The following FBXO28 variants were observed in gnomAD, a reference collection of about 807,000 sequenced individuals.
FBXO28 encodes F-box only protein 28.
FBXO28 carries 8 observed loss-of-function variants against 38.1 expected under a neutral mutation model. The observed-to-expected ratio is 0.21, with a 90% confidence interval of 0.12 to 0.38. FBXO28 has a LOEUF of 0.38. Among genes scored for constraint, FBXO28 ranks in the 10% least tolerant of loss-of-function variants. FBXO28 has a pLI of 1.00. For synonymous variants in FBXO28, 168 were observed against 173.8 expected, an observed-to-expected ratio of 0.97 and a Z score of 0.26; for missense variants, 345 against 460.6, an observed-to-expected ratio of 0.75 and a Z score of 2.30.
At chr1:224,131,256 T>A (rs1304122722) in intron 2 of FBXO28, among the ~76,000 whole-genome samples, 1 of 152,176 alleles carries the variant, frequency 6.6e-6, no homozygotes, top group African/African-American at 2.4e-5. Flanking sequence ...TCTTGACTTT[T>A]TTTTTTGTAA....
At position 224,114,336 on chromosome 1, in the gene FBXO28, C is replaced by T. The variant is rs749762791; in HGVS notation, c.207C>T (p.Ile69=). The T allele has an allele frequency of 4.4e-6, 7 of 1,593,086 alleles. No individual in the cohort carries two copies. The highest frequency in any genetic ancestry group is 2.3e-5 in the East Asian group (1 of 43,990). The change falls in exon 1 of 5, where the codon ATC becomes ATT. Residue 69 remains isoleucine, a synonymous_variant. Transcript: ENST00000366862. ...PQNNTLVALP[I]VAIENILSFM... ...ACAACACGCTTGTGGCGCTGCCCAT[C>T]GTAGCCATCGAGAACATCCTCAGCT...
chr1:224,148,426 G>A lies in FBXO28; in HGVS notation c.517-4716G>A, dbSNP rs145758928. On this transcript the variant is annotated intron_variant, in intron 3 of 4. Coordinates refer to ENST00000366862, the MANE Select transcript of FBXO28 (RefSeq NM_015176.4). ...AGCTCTTTGGGAGGCCGAGGCAGGC[G>A]GATCATGAGGTCAGGAGATCAAGAC... 3.9e-5 allele frequency among the ~76,000 whole-genome samples: 6 copies of A among 152,202 alleles called. No homozygotes were observed. In the South Asian group the frequency reaches 6.2e-4, roughly 16 times the overall value.
intron 3 of FBXO28, among the ~76,000 whole-genome samples, chr1:224,149,790 A>G (rs997308360): frequency 3.3e-5 from 5 of 152,214 alleles, no homozygotes; most frequent in African/African-American, 1.2e-4. Flanking sequence ...AGATGTTAAC[A>G]TGATTTAAAT....
At chr1:224,143,013 G>A (rs577261053) in intron 3 of FBXO28, among the ~76,000 whole-genome samples, 1 of 151,654 alleles carries the variant, frequency 6.6e-6, no homozygotes, top group Non-Finnish European at 1.5e-5. Context: ...AAATAAATAA[G>A]TAAGTAAGTA....
At chr1:224,117,961 C>T (rs995812545) in intron 1 of FBXO28, among the ~76,000 whole-genome samples, 1 of 151,960 alleles carries the variant, frequency 6.6e-6, no homozygotes, top group African/African-American at 2.4e-5. Context: ...TTCTTACCTA[C>T]TGAAAAACAA....
chr1:224,142,394 T>C (rs937105829), intron 3 of FBXO28, among the ~76,000 whole-genome samples: 8 of 152,040 alleles, frequency 5.3e-5, no homozygotes, highest in Non-Finnish European at 1.2e-4. Flanking sequence ...CTCATGCCTG[T>C]AATCAATCCC....
Position 224,117,165 on chromosome 1 carries a change from A to ATTTTTTTTTTT in FBXO28, c.267+2778_267+2788dup, listed in dbSNP as rs71168310. On this transcript the variant is annotated intron_variant, in intron 1 of 4. Transcript: ENST00000366862. ...AAAAATAAAAATAAAAATAAATTGG[A>ATTTTTTTTTTT]TTTTTTTTTTTTTTTTTTTGAGACG... is the stretch of plus-strand genomic sequence containing the variant. 1.7e-4 allele frequency among the ~76,000 whole-genome samples: 21 copies of ATTTTTTTTTTT among 122,186 alleles called. 1 individual carries two copies. Among genetic ancestry groups the ATTTTTTTTTTT allele is most frequent in the African/African-American group, 5.9e-4 (18 of 30,760 alleles). The allele number at this position is 122,186 out of a possible 152,430, so 80.2% of individuals were successfully genotyped here.
chr1:224,132,497 C>A (rs111229658), intron 2 of FBXO28, among the ~76,000 whole-genome samples: 2,697 of 152,198 alleles, frequency 0.018, 82 homozygotes, highest in African/African-American at 0.059. Flanking sequence ...GGTGCAGTCA[C>A]TTTAGAAAAC....
At position 224,161,463 on chromosome 1, in the gene FBXO28, CTGTT is replaced by C. The variant is rs767178543; in HGVS notation, c.*3720_*3723del. The stretch of plus-strand genomic sequence containing the variant: ...CTGATATGAAACCCAACTTGATACA[CTGTT>C]TGGTTCTTTGACTTGGGATCTATCT... On this transcript the variant is annotated 3_prime_UTR_variant, in exon 5 of 5. Coordinates refer to ENST00000366862, the MANE Select transcript of FBXO28 (RefSeq NM_015176.4). 1.3e-5 allele frequency: 2 copies of C among 152,182 alleles called. No individual in the cohort carries two copies. Among genetic ancestry groups the C allele is most frequent in the African/African-American group, 2.4e-5 (1 of 41,438 alleles). 9.4% of individuals were successfully genotyped at this position (152,182 alleles called of 1,614,324 possible). A position where few individuals can be genotyped will look rare whatever the true frequency, so the allele number is the denominator to read the frequency against.
In FBXO28 at chr1:224,117,468, T is replaced by C. The variant is rs1274720341; in HGVS notation, c.267+3072T>C. 2.0e-5 allele frequency among the ~76,000 whole-genome samples: 3 copies of C among 152,090 alleles called. 1 individual carries two copies. ...TTATTTTATTTTATTTTTTGGCCAT[T>C]GACTATTGATCAAAAGATGTATCCT... On this transcript the variant is annotated intron_variant, in intron 1 of 4. Transcript: ENST00000366862.
intron 3 of FBXO28, among the ~76,000 whole-genome samples, chr1:224,140,601 T>C (rs1052067094): frequency 2.0e-5 from 3 of 152,136 alleles, no homozygotes; most frequent in African/African-American, 7.2e-5. Context: ...AAAATAAATA[T>C]ATACAGCCAT....
At chr1:224,127,124 T>C (rs1434779448) in intron 1 of FBXO28, among the ~76,000 whole-genome samples, 1 of 151,418 alleles carries the variant, frequency 6.6e-6, no homozygotes, top group Non-Finnish European at 1.5e-5. Context: ...CCAGAGAGGT[T>C]TCCAGGATCC....
chr1:224,138,938 T>G (rs910278073), intron 3 of FBXO28, among the ~76,000 whole-genome samples: 1 of 151,548 alleles, frequency 6.6e-6, no homozygotes, highest in African/African-American at 2.4e-5. Flanking sequence ...CATGCCACCA[T>G]GCCCAGCTAA....
intron 1 of FBXO28, 50 bp from the exon 2 acceptor site, chr1:224,130,422 T>G: frequency 8.3e-7 from 1 of 1,211,252 alleles, no homozygotes; most frequent in Non-Finnish European, 1.2e-6. Context: ...GAGTCTCAGT[T>G]GTCTCTTATT....
Position 224,155,461 on chromosome 1 carries a change from G to A in FBXO28, c.713-1891G>A, listed in dbSNP as rs901907268. Among the ~76,000 whole-genome samples the A allele has an allele frequency of 5.3e-5, 8 of 152,112 alleles. No individual in the cohort carries two copies. The East Asian group carries it at 5.8e-4, about 11-fold the overall frequency. ...ATTACAGGCATGAGCCACCACACCCGGCTGCTACTTTAAAAGAAAGGGTTC... is the reference window on the plus strand; with the variant it reads ...ATTACAGGCATGAGCCACCACACCCAGCTGCTACTTTAAAAGAAAGGGTTC... On this transcript the variant is annotated intron_variant, in intron 4 of 4. Coordinates refer to ENST00000366862, the MANE Select transcript of FBXO28 (RefSeq NM_015176.4).
At chr1:224,140,214 C>T (rs1433455456) in intron 3 of FBXO28, among the ~76,000 whole-genome samples, 1 of 152,172 alleles carries the variant, frequency 6.6e-6, no homozygotes, top group African/African-American at 2.4e-5. Context: ...CTTACTTAAC[C>T]ACAGTACAGA....
chr1:224,120,804 A>C (rs1656753999), intron 1 of FBXO28, among the ~76,000 whole-genome samples: 1 of 151,588 alleles, frequency 6.6e-6, no homozygotes, highest in South Asian at 2.1e-4. Flanking sequence ...CAAAGGTTGC[A>C]GTGAGCCGAG....
intron 1 of FBXO28, 93 bp from the exon 2 acceptor site, chr1:224,130,379 G>C: frequency 1.3e-6 from 1 of 780,428 alleles, no homozygotes; most frequent in Non-Finnish European, 2.2e-6. Flanking sequence ...AGGAATAATA[G>C]TGGGATACAG....
At chr1:224,114,545 C>T (rs1247882604) in intron 1 of FBXO28, 149 bp downstream of exon 1, 2 of 682,806 alleles carry the variant, frequency 2.9e-6, no homozygotes, top group Non-Finnish European at 4.9e-6. Flanking sequence ...CGAACTCTCC[C>T]TTGGCGTCAG....
Sources: gnomAD v4.1 joint callset for allele counts (sites outside exome capture counted in the v4.1 genomes callset) on GRCh38, gnomAD v4.1.1 for gene constraint, MANE v1.5 for transcripts, NCBI Gene and HGNC (gene_info 2026-07-23, HGNC 2026-07-21) for gene names.